Variants in HPSE2 observed in about 807,000 individuals in gnomAD.
HPSE2 encodes the protein heparanase 2 (inactive).
HPSE2 carries 38 observed loss-of-function variants against 60.5 expected under a neutral mutation model. That is an observed-to-expected ratio of 0.63 (90% confidence interval 0.48 to 0.82). The LOEUF (loss-of-function observed/expected upper bound fraction) is 0.82, where lower values mean the gene tolerates loss of function less well. Ranked by LOEUF, HPSE2 falls within the 40% of genes least tolerant of loss-of-function variation. HPSE2 has a pLI of 0.00. For synonymous variants in HPSE2, 295 were observed against 293.2 expected (o/e 1.01, Z -0.06); for missense variants, 713 against 740.4 (o/e 0.96, Z 0.43).
intron 3 of HPSE2, among the ~76,000 whole-genome samples, chr10:99,143,815 A>G (rs897754800): frequency 1.3e-5 from 2 of 152,148 alleles, no homozygotes; most frequent in Non-Finnish European, 1.5e-5. Context: ...GATATTTCCA[A>G]ACTCCACCAA....
chr10:98,782,764 C>A (rs1436936842), intron 3 of HPSE2, among the ~76,000 whole-genome samples: 2 of 95,734 alleles, frequency 2.1e-5, no homozygotes, highest in Non-Finnish European at 4.7e-5. Flanking sequence ...GTATGTAGGA[C>A]CCTGGGAAAA....
intron 6 of HPSE2, among the ~76,000 whole-genome samples, chr10:98,644,898 T>C (rs1946727761): frequency 6.6e-6 from 1 of 152,190 alleles, no homozygotes; most frequent in Admixed American, 6.5e-5. Flanking sequence ...CTTGGGCTAT[T>C]TCCGTGGGCT....
chr10:98,708,889 C>T (rs1237425402), intron 5 of HPSE2, among the ~76,000 whole-genome samples: 2 of 152,102 alleles, frequency 1.3e-5, no homozygotes, highest in African/African-American at 4.8e-5. Flanking sequence ...ACAGAAATAA[C>T]TCATGAAGAA....
chr10:98,634,777 C>A (rs189348021), intron 7 of HPSE2, among the ~76,000 whole-genome samples: 7 of 152,236 alleles, frequency 4.6e-5, no homozygotes, highest in Admixed American at 2.6e-4. Context: ...GCAATGATAA[C>A]AAATGAATAA....
intron 9 of HPSE2, among the ~76,000 whole-genome samples, chr10:98,613,307 T>G (rs760056279): frequency 6.6e-6 from 1 of 152,194 alleles, no homozygotes; most frequent in Non-Finnish European, 1.5e-5. Context: ...AAAACAATCC[T>G]CTATGGTTCC....
At chr10:99,107,669 CT>C (rs1844300753) in intron 3 of HPSE2, among the ~76,000 whole-genome samples, 1 of 152,048 alleles carries the variant, frequency 6.6e-6, no homozygotes, top group Non-Finnish European at 1.5e-5. Flanking sequence ...ACCATTATAC[CT>C]ATATACACAT....
At chr10:98,556,574 A>G (rs1287737237) in intron 9 of HPSE2, among the ~76,000 whole-genome samples, 1 of 152,248 alleles carries the variant, frequency 6.6e-6, no homozygotes, top group Non-Finnish European at 1.5e-5. Context: ...TACAACTTCA[A>G]AAACATCAAA....
chr10:98,555,805 G>A lies in HPSE2; in HGVS notation c.1320+59099C>T, dbSNP rs763984859. ...ACCAATTTGACAACACGAAAATAAC[G>A]TAAAGCAGCCTTAAGAAGAAGGCCA... is the stretch of plus-strand genomic sequence containing the variant. On this transcript the variant is annotated intron_variant, in intron 9 of 11. Coordinates refer to ENST00000370552, the MANE Select transcript of HPSE2 (RefSeq NM_021828.5). Among the ~76,000 whole-genome samples, 57 of 152,102 alleles carry A rather than the reference G, an allele frequency of 3.7e-4. 1 individual carries two copies. Among genetic ancestry groups the A allele is most frequent in the Admixed American group, 2.0e-4 (3 of 15,264 alleles).
rs532193108 is a variant in HPSE2, at chr10:98,843,193, C to T, written c.611-99137G>A. 6.1e-4 allele frequency among the ~76,000 whole-genome samples: 88 copies of T among 144,000 alleles called. 1 individual carries two copies. Among genetic ancestry groups the T allele is most frequent in the Admixed American group, 2.1e-3 (30 of 14,448 alleles). 94.5% of individuals were successfully genotyped at this position (144,000 alleles called of 152,430 possible). A position where few individuals can be genotyped will look rare whatever the true frequency, so the allele number is the denominator to read the frequency against. On this transcript the variant is annotated intron_variant, in intron 3 of 11. Transcript: ENST00000370552. ...TCCTGATACTCTTCCTCCTCCTCCT[C>T]CCACCCTCCACCCTCCGATAGGCCC...
chr10:98,467,480 TGAGA>T (rs1161031508), intron 11 of HPSE2, among the ~76,000 whole-genome samples: 1 of 150,790 alleles, frequency 6.6e-6, no homozygotes, highest in African/African-American at 2.4e-5. Flanking sequence ...TGTTAAATGA[TGAGA>T]GAGAGGGAGA....
chr10:98,843,105 G>T (rs1951955095), intron 3 of HPSE2, among the ~76,000 whole-genome samples: 2 of 151,816 alleles, frequency 1.3e-5, no homozygotes, highest in Admixed American at 1.3e-4. Context: ...CTGTGTCATG[G>T]GGGTTTGTGA....
At chr10:99,195,232 C>T (rs1030533206) in intron 2 of HPSE2, among the ~76,000 whole-genome samples, 4 of 151,946 alleles carry the variant, frequency 2.6e-5, no homozygotes, top group African/African-American at 9.7e-5. Flanking sequence ...TGCCTTAACA[C>T]AATAAAAGCC....
At chr10:98,888,185 G>T (rs566632433) in intron 3 of HPSE2, among the ~76,000 whole-genome samples, 1 of 143,170 alleles carries the variant, frequency 7.0e-6, no homozygotes, top group East Asian at 2.4e-4. Context: ...TGCATGATAA[G>T]GTCTAAAGAA....
At chr10:98,545,708 C>G (rs1475052849) in intron 9 of HPSE2, among the ~76,000 whole-genome samples, 2 of 151,894 alleles carry the variant, frequency 1.3e-5, no homozygotes, top group African/African-American at 2.4e-5. Context: ...ACTGAATGGG[C>G]AAAAACTGGA....
intron 3 of HPSE2, among the ~76,000 whole-genome samples, chr10:98,803,971 ATTTG>A (rs781268748): frequency 7.9e-5 from 12 of 151,790 alleles, no homozygotes; most frequent in Non-Finnish European, 1.2e-4. Context: ...ATGTTCTTCC[ATTTG>A]TTTGTATCCT....
At chr10:99,308,569 T>C in the HPSE2 span, among the ~76,000 whole-genome samples, 3 of 151,986 alleles carry the variant, frequency 2.0e-5, no homozygotes, top group Admixed American at 6.6e-5. Flanking sequence ...CCAGGAATAC[T>C]TGCCAGCAGC....
chr10:99,142,967 T>G (rs1023574497), intron 3 of HPSE2, among the ~76,000 whole-genome samples: 3 of 152,062 alleles, frequency 2.0e-5, no homozygotes, highest in Non-Finnish European at 4.4e-5. Context: ...CACGCACGTA[T>G]TTATACACAC....
At chr10:98,568,282 C>T (rs1367529434) in intron 9 of HPSE2, among the ~76,000 whole-genome samples, 3 of 152,098 alleles carry the variant, frequency 2.0e-5, no homozygotes, top group East Asian at 1.9e-4. Context: ...TGTATGATCC[C>T]GAGCAAGTTA....
the HPSE2 span, among the ~76,000 whole-genome samples, chr10:99,303,421 T>G: frequency 7.9e-5 from 12 of 152,088 alleles, no homozygotes; most frequent in South Asian, 2.1e-4. Context: ...TCCAAGCATA[T>G]GGAAATAAAA....
Sources: gnomAD v4.1 joint callset for allele counts (sites outside exome capture counted in the v4.1 genomes callset) on GRCh38, gnomAD v4.1.1 for gene constraint, MANE v1.5 for transcripts, NCBI Gene and HGNC (gene_info 2026-07-23, HGNC 2026-07-21) for gene names.